The following DENND1A variants were observed in gnomAD, a reference collection of about 807,000 sequenced individuals.
The protein encoded by DENND1A is DENN domain-containing protein 1A.
DENND1A carries 51 observed loss-of-function variants against 113.7 expected under a neutral mutation model. The ratio of observed to expected loss-of-function variants is 0.45; its 90% CI spans 0.36 to 0.57. The LOEUF (loss-of-function observed/expected upper bound fraction) is 0.57. Ranked by LOEUF, DENND1A falls within the 20% of genes least tolerant of loss-of-function variation. The pLI is 0.00. For missense variants in DENND1A, 1,258 were observed against 1,395.9 expected, an observed-to-expected ratio of 0.90 and a Z score of 1.57; for synonymous variants, 565 against 570.8, an observed-to-expected ratio of 0.99 and a Z score of 0.14.
chr9:123,659,878 T>C (rs1008873946), intron 8 of DENND1A, among the ~76,000 whole-genome samples: 1 of 152,258 alleles, frequency 6.6e-6, no homozygotes, highest in Non-Finnish European at 1.5e-5. Context: ...GAGATTAATA[T>C]GCAAATTTCA....
intron 19 of DENND1A, among the ~76,000 whole-genome samples, chr9:123,421,016 C>G (rs140452248): frequency 6.7e-6 from 1 of 149,784 alleles, no homozygotes; most frequent in African/African-American, 2.5e-5. Flanking sequence ...ACCTCGCTGA[C>G]GTATGCCATT....
At chr9:123,395,472 G>C (rs74567850) in intron 21 of DENND1A, among the ~76,000 whole-genome samples, 225 of 46,686 alleles carry the variant, frequency 4.8e-3, no homozygotes, top group South Asian at 8.5e-3. Context: ...CTCTCTCTGT[G>C]TGTGTGTGTG....
At chr9:123,707,104 G>T (rs927098373) in intron 5 of DENND1A, among the ~76,000 whole-genome samples, 27 of 151,734 alleles carry the variant, frequency 1.8e-4, no homozygotes, top group African/African-American at 6.3e-4. Flanking sequence ...TTAAAGAAAA[G>T]AAGCTCAGGG....
intron 4 of DENND1A, chr9:123,759,537 G>A (rs946289634): frequency 6.6e-6 from 1 of 152,226 alleles, no homozygotes; most frequent in African/African-American, 2.4e-5. Context: ...TGATTCTCAT[G>A]TCTCAGCCTC....
chr9:123,571,911 C>T (rs551794428), intron 12 of DENND1A, among the ~76,000 whole-genome samples: 7 of 152,296 alleles, frequency 4.6e-5, no homozygotes, highest in Admixed American at 2.6e-4. Flanking sequence ...ATTGTACTCC[C>T]ATCAGCCGTG....
At chr9:123,869,372 G>A (rs2133392464) in intron 2 of DENND1A, among the ~76,000 whole-genome samples, 1 of 152,138 alleles carries the variant, frequency 6.6e-6, no homozygotes, top group Admixed American at 6.5e-5. Flanking sequence ...TTAGGTGGTG[G>A]GCAAGAATTT....
intron 23 of DENND1A, among the ~76,000 whole-genome samples, chr9:123,383,272 T>C (rs890699016): frequency 6.6e-6 from 1 of 152,230 alleles, no homozygotes; most frequent in Non-Finnish European, 1.5e-5. Context: ...GCATTCATAA[T>C]GCAGAGCCAA....
chr9:123,650,777 T>C (rs1250763481), intron 9 of DENND1A, among the ~76,000 whole-genome samples: 1 of 151,740 alleles, frequency 6.6e-6, no homozygotes, highest in East Asian at 1.9e-4. Context: ...TGAGGTGGTA[T>C]GTGCCTGTAA....
At chr9:123,810,646 G>A (rs1273753765) in intron 2 of DENND1A, among the ~76,000 whole-genome samples, 2 of 150,972 alleles carry the variant, frequency 1.3e-5, no homozygotes, top group Non-Finnish European at 2.9e-5. Flanking sequence ...ACAAATTTGT[G>A]TTAAGCCACA....
intron 17 of DENND1A, 50 bp downstream of exon 17, chr9:123,452,226 T>C (rs773934290): frequency 6.6e-7 from 1 of 1,511,214 alleles, no homozygotes; most frequent in South Asian, 1.1e-5. Flanking sequence ...AGTCTCATCA[T>C]GCTAAGGGAC....
intron 2 of DENND1A, among the ~76,000 whole-genome samples, chr9:123,864,937 A>G (rs942105064): frequency 2.0e-5 from 3 of 152,212 alleles, no homozygotes; most frequent in African/African-American, 7.2e-5. Context: ...TCAGTGAACC[A>G]AGTAAATGAT....
chr9:123,433,280 T>C (rs1282540043), intron 19 of DENND1A, among the ~76,000 whole-genome samples: 1 of 152,198 alleles, frequency 6.6e-6, no homozygotes, highest in African/African-American at 2.4e-5. Context: ...AGTCCAGAAC[T>C]GCCCGATTCT....
chr9:123,701,903 C>G (rs966126444), intron 5 of DENND1A, among the ~76,000 whole-genome samples: 1 of 152,148 alleles, frequency 6.6e-6, no homozygotes, highest in Non-Finnish European at 1.5e-5. Flanking sequence ...TACAGAAGGT[C>G]AATGCATGAC....
At chr9:123,460,175 C>T in intron 13 of DENND1A, among the ~76,000 whole-genome samples, 1 of 152,116 alleles carries the variant, frequency 6.6e-6, no homozygotes, top group Middle Eastern at 3.2e-3. Flanking sequence ...AGAAAAAAAC[C>T]CCACACTAGT....
chr9:123,717,006 T>C lies in DENND1A; in HGVS notation c.303-40217A>G, dbSNP rs912007621. On this transcript the variant is annotated intron_variant, in intron 5 of 23. Transcript: ENST00000394215. The stretch of plus-strand genomic sequence containing the variant: ...CTAGTTAATTGTGGTTACTTTTTAC[T>C]TTTCCTTTTGCCTTCTAAAGTTACC... 2.6e-5 allele frequency among the ~76,000 whole-genome samples: 4 copies of C among 152,220 alleles called. No individual in the cohort carries two copies. The East Asian group carries it at 5.8e-4, about 22-fold the overall frequency.
intron 9 of DENND1A, among the ~76,000 whole-genome samples, chr9:123,649,042 C>T (rs151236406): frequency 1.9e-3 from 291 of 152,256 alleles, no homozygotes; most frequent in Non-Finnish European, 3.0e-3. Flanking sequence ...AGCAAGCTTC[C>T]GCAACCCATT....
At chr9:123,620,228 AAAAAAAAAAAGAAAAGAAAAAG>A (rs2060881358) in intron 10 of DENND1A, among the ~76,000 whole-genome samples, 4 of 149,022 alleles carry the variant, frequency 2.7e-5, no homozygotes, top group African/African-American at 9.9e-5. Context: ...AAAAAAAAAA[AAAAAAAAAAAGAAAAGAAAAAG>A]AAAAAAAGGA....
chr9:123,449,252 A>G (rs1462196399), intron 18 of DENND1A, among the ~76,000 whole-genome samples: 1 of 152,198 alleles, frequency 6.6e-6, no homozygotes, highest in Admixed American at 6.5e-5. Context: ...AAGGGTGGCA[A>G]CAGGCCAGAC....
chr9:123,779,563 A>T (rs1300466314), intron 3 of DENND1A, among the ~76,000 whole-genome samples: 1 of 152,136 alleles, frequency 6.6e-6, no homozygotes, highest in Non-Finnish European at 1.5e-5. Flanking sequence ...GAAGTGGTGC[A>T]ATCTTGGCTC....
Sources: allele counts gnomAD v4.1 joint callset (sites outside exome capture counted in the v4.1 genomes callset), GRCh38; gene constraint gnomAD v4.1.1; transcripts MANE v1.5; gene names NCBI Gene and HGNC (gene_info 2026-07-23, HGNC 2026-07-21).